The following GRIN2B variants were observed in gnomAD, a reference collection of about 807,000 sequenced individuals.
GRIN2B encodes the protein glutamate receptor ionotropic, NMDA 2B.
GRIN2B carries 5 observed loss-of-function variants against 114.5 expected under a neutral mutation model. The ratio of observed to expected loss-of-function variants is 0.04; its 90% CI spans 0.02 to 0.09. The LOEUF is 0.09. Among genes scored for constraint, GRIN2B ranks in the 10% least tolerant of loss-of-function variants. GRIN2B has a pLI of 1.00. For synonymous variants in GRIN2B, 787 were observed against 745.1 expected, an observed-to-expected ratio of 1.06 and a Z score of -0.92; for missense variants, 1,108 against 1,943.5, an observed-to-expected ratio of 0.57 and a Z score of 8.08.
chr12:13,761,883 G>A (rs543862782), intron 3 of GRIN2B, among the ~76,000 whole-genome samples: 23 of 152,286 alleles, frequency 1.5e-4, no homozygotes, highest in African/African-American at 3.6e-4. Flanking sequence ...AAGTAGTAGC[G>A]TTATCAATAT....
rs80243605 is a variant in GRIN2B, at chr12:13,725,597, C to T, written c.1010+27720G>A. On this transcript the variant is annotated intron_variant, in intron 4 of 13. Transcript: ENST00000609686. ...AGGGAAACCAAGCAGATCGGATACACAGACTCTTTACACTTCTGCCTTCTT... is the reference window on the plus strand; with the variant it reads ...AGGGAAACCAAGCAGATCGGATACATAGACTCTTTACACTTCTGCCTTCTT... Among the ~76,000 whole-genome samples, 837 of 152,202 alleles carry T rather than the reference C, an allele frequency of 5.5e-3. 11 individuals carry two copies. Among genetic ancestry groups the T allele is most frequent in the African/African-American group, 0.019 (786 of 41,542 alleles).
chr12:13,826,761 T>A (rs1865043245), intron 3 of GRIN2B, among the ~76,000 whole-genome samples: 1 of 152,146 alleles, frequency 6.6e-6, no homozygotes, highest in African/African-American at 2.4e-5. Flanking sequence ...TCAGGATTTT[T>A]AATAATGTTT....
chr12:13,648,169 T>A (rs1949780394), intron 5 of GRIN2B, among the ~76,000 whole-genome samples: 1 of 152,058 alleles, frequency 6.6e-6, no homozygotes, highest in Non-Finnish European at 1.5e-5. Flanking sequence ...CGGAGTAGTA[T>A]AAACCCTAGC....
chr12:13,837,502 G>A (rs1466884293), intron 3 of GRIN2B, among the ~76,000 whole-genome samples: 1 of 152,156 alleles, frequency 6.6e-6, no homozygotes, highest in African/African-American at 2.4e-5. Flanking sequence ...GCCAAGCATT[G>A]GACAGAGTGT....
At chr12:13,733,654 C>T (rs1863126985) in intron 4 of GRIN2B, among the ~76,000 whole-genome samples, 1 of 152,088 alleles carries the variant, frequency 6.6e-6, no homozygotes, top group Non-Finnish European at 1.5e-5. Context: ...ATCTTCACTC[C>T]CCCTCTGAGA....
intron 10 of GRIN2B, among the ~76,000 whole-genome samples, chr12:13,593,707 T>C (rs890789199): frequency 3.3e-5 from 5 of 152,326 alleles, no homozygotes; most frequent in Non-Finnish European, 7.4e-5. Flanking sequence ...AAAGAGCTTC[T>C]GCACAGCAAA....
chr12:13,773,527 C>A (rs772961834), intron 3 of GRIN2B, among the ~76,000 whole-genome samples: 11 of 152,138 alleles, frequency 7.2e-5, no homozygotes, highest in Non-Finnish European at 1.6e-4. Context: ...CAAAGGCAAG[C>A]AAATGCCTCT....
chr12:13,683,180 T>C (rs1288837987), intron 4 of GRIN2B, among the ~76,000 whole-genome samples: 2 of 152,262 alleles, frequency 1.3e-5, no homozygotes, highest in African/African-American at 4.8e-5. Context: ...TAGTAAGATA[T>C]TCTCATTCAA....
At chr12:13,935,138 A>G (rs1414503863) in intron 2 of GRIN2B, among the ~76,000 whole-genome samples, 1 of 152,218 alleles carries the variant, frequency 6.6e-6, no homozygotes, top group Non-Finnish European at 1.5e-5. Flanking sequence ...GAAACGTAAG[A>G]TTAACTTAGG....
chr12:13,703,250 C>T (rs1226869831), intron 4 of GRIN2B, among the ~76,000 whole-genome samples: 3 of 152,138 alleles, frequency 2.0e-5, no homozygotes, highest in African/African-American at 7.2e-5. Context: ...GAAAAGATAA[C>T]AGGCCTTTAA....
chr12:13,940,360 A>G (rs1867218946), intron 2 of GRIN2B, among the ~76,000 whole-genome samples: 1 of 152,134 alleles, frequency 6.6e-6, no homozygotes, highest in Non-Finnish European at 1.5e-5. Flanking sequence ...AATTCCACAT[A>G]GCTCAGCCTG....
intron 4 of GRIN2B, among the ~76,000 whole-genome samples, chr12:13,677,910 C>A (rs1950091132): frequency 6.6e-6 from 1 of 152,002 alleles, no homozygotes; most frequent in Non-Finnish European, 1.5e-5. Flanking sequence ...TCTTTTAGTT[C>A]CGTAATTTTA....
intron 3 of GRIN2B, among the ~76,000 whole-genome samples, chr12:13,811,792 T>A (rs1864735901): frequency 6.6e-6 from 1 of 151,576 alleles, no homozygotes; most frequent in African/African-American, 2.4e-5. Context: ...GAGTGGAGAG[T>A]GATAAAATGC....
chr12:13,690,258 T>A (rs1950204265), intron 4 of GRIN2B, among the ~76,000 whole-genome samples: 1 of 149,016 alleles, frequency 6.7e-6, no homozygotes. Flanking sequence ...CACTTCTCAT[T>A]CCCACCCACA....
At chr12:13,919,455 T>G (rs984312946) in intron 2 of GRIN2B, among the ~76,000 whole-genome samples, 1 of 152,242 alleles carries the variant, frequency 6.6e-6, no homozygotes, top group Non-Finnish European at 1.5e-5. Context: ...TAACATTCCC[T>G]AATATGTACT....
chr12:13,619,661 C>T (rs1022995224), intron 5 of GRIN2B, among the ~76,000 whole-genome samples: 1 of 152,226 alleles, frequency 6.6e-6, no homozygotes, highest in African/African-American at 2.4e-5. Context: ...CTAGAGGTAA[C>T]AATACCAGGT....
intron 2 of GRIN2B, among the ~76,000 whole-genome samples, chr12:13,874,505 A>G (rs1565571186): frequency 6.6e-6 from 1 of 152,246 alleles, no homozygotes; most frequent in Non-Finnish European, 1.5e-5. Context: ...TTGCAAGAGC[A>G]GACATCAAAA....
At chr12:13,606,943 G>T (rs914774477) in intron 10 of GRIN2B, among the ~76,000 whole-genome samples, 3 of 150,704 alleles carry the variant, frequency 2.0e-5, no homozygotes, top group Non-Finnish European at 3.0e-5. Context: ...TAAGGAAGAA[G>T]AATAAAGCAA....
At chr12:13,619,722 C>A (rs1949492576) in intron 5 of GRIN2B, among the ~76,000 whole-genome samples, 1 of 152,198 alleles carries the variant, frequency 6.6e-6, no homozygotes, top group Admixed American at 6.5e-5. Flanking sequence ...ATCTAGTAAT[C>A]TCATTATATC....
Sources: gnomAD v4.1 joint callset for allele counts (sites outside exome capture counted in the v4.1 genomes callset) on GRCh38, gnomAD v4.1.1 for gene constraint, MANE v1.5 for transcripts, NCBI Gene and HGNC (gene_info 2026-07-23, HGNC 2026-07-21) for gene names.